Variants in EDNRA observed in about 807,000 individuals in gnomAD.
EDNRA encodes the protein endothelin receptor type A.
Under a neutral mutation model 41.4 loss-of-function variants are expected in EDNRA, and 11 were observed. The observed-to-expected ratio is 0.27, with a 90% CI of 0.17 to 0.44. The LOEUF (loss-of-function observed/expected upper bound fraction) is 0.44, where lower values mean the gene tolerates loss of function less well. EDNRA is among the 20% of genes least tolerant of loss of function. EDNRA has a pLI of 1.00. For missense variants in EDNRA, 294 were observed against 531.0 expected (o/e 0.55, Z 4.39); for synonymous variants, 172 against 183.0 (o/e 0.94, Z 0.49).
chr4:147,537,902 G>A (rs1215004821), intron 5 of EDNRA, among the ~76,000 whole-genome samples: 3 of 134,566 alleles, frequency 2.2e-5, no homozygotes, highest in Non-Finnish European at 4.7e-5. Context: ...AGATGGGACT[G>A]CGGGAGAAAC....
intron 2 of EDNRA, among the ~76,000 whole-genome samples, chr4:147,508,755 C>T (rs1729818700): frequency 6.6e-6 from 1 of 152,174 alleles, no homozygotes. Context: ...ACTCAATTGA[C>T]AATAAATATA....
rs1267824208 is a variant in EDNRA, at chr4:147,532,450, A to G, written c.549-56A>G. On this transcript the variant is annotated intron_variant, in intron 3 of 7. Coordinates refer to ENST00000651419, the MANE Select transcript of EDNRA (RefSeq NM_001957.4). ...TTCCCAGCACTTACAATTTTTGTTT[A>G]ATTGAAATACATTTAAAATTTCCTA... The G allele has an allele frequency of 1.2e-5, 19 of 1,535,176 alleles. No homozygotes were observed. In the East Asian group the frequency reaches 3.4e-4, roughly 27 times the overall value.
At chr4:147,536,925 A>G (rs898000938) in intron 5 of EDNRA, among the ~76,000 whole-genome samples, 2 of 152,206 alleles carry the variant, frequency 1.3e-5, no homozygotes, top group African/African-American at 2.4e-5. Flanking sequence ...GTAATAATAC[A>G]TCATGGGGAT....
rs537198416 is a variant in EDNRA, at chr4:147,488,079, G to A, written c.420+1978G>A. 4.6e-5 allele frequency: 7 copies of A among 152,232 alleles called. No homozygotes were observed. The South Asian group carries it at 1.5e-3, about 32-fold the overall frequency. The allele number at this position is 152,232 out of a possible 1,614,324, so 9.4% of individuals were successfully genotyped here. A position where few individuals can be genotyped will look rare whatever the true frequency, so the allele number is the denominator to read the frequency against. On this transcript the variant is annotated intron_variant, in intron 2 of 7. Coordinates refer to ENST00000651419, the MANE Select transcript of EDNRA (RefSeq NM_001957.4). ...TCAAACATTGATTATTCAAACTTAT[G>A]AACTAGTGAACCAACCCATCATGGC...
At chr4:147,512,043 C>T (rs1320007659) in intron 2 of EDNRA, among the ~76,000 whole-genome samples, 1 of 152,168 alleles carries the variant, frequency 6.6e-6, no homozygotes, top group Non-Finnish European at 1.5e-5. Flanking sequence ...AAAGTATTGA[C>T]ACACACAATC....
At chr4:147,488,123 AT>A (rs1729007876) in intron 2 of EDNRA, 1 of 152,188 alleles carries the variant, frequency 6.6e-6, no homozygotes, top group Admixed American at 6.5e-5. Flanking sequence ...ATAATTATCC[AT>A]CTCTGCATTT....
chr4:147,530,370 G>A (rs1011542584), intron 3 of EDNRA, among the ~76,000 whole-genome samples: 2 of 151,966 alleles, frequency 1.3e-5, no homozygotes, highest in East Asian at 1.9e-4. Context: ...GTTTAACAAG[G>A]GAACAAAGAA....
chr4:147,484,787 C>A (rs1239257223), intron 1 of EDNRA, among the ~76,000 whole-genome samples: 1 of 152,188 alleles, frequency 6.6e-6, no homozygotes, highest in Non-Finnish European at 1.5e-5. Flanking sequence ...AGCAAAAAAA[C>A]TCCTGTAAAA....
chr4:147,502,103 T>C (rs1458483049), intron 2 of EDNRA, among the ~76,000 whole-genome samples: 2 of 152,118 alleles, frequency 1.3e-5, no homozygotes, highest in African/African-American at 4.8e-5. Flanking sequence ...TAAGATTGCC[T>C]ATAAAAAAAT....
chr4:147,526,812 T>C (rs1396295268), intron 3 of EDNRA, among the ~76,000 whole-genome samples: 2 of 152,190 alleles, frequency 1.3e-5, no homozygotes, highest in African/African-American at 4.8e-5. Flanking sequence ...TAGCCTGTCA[T>C]GGTGGTGGGC....
intron 2 of EDNRA, chr4:147,494,220 G>A (rs1408492021): frequency 6.6e-6 from 1 of 152,164 alleles, no homozygotes; most frequent in African/African-American, 2.4e-5. Flanking sequence ...AAGACATTGG[G>A]TAAATAGCAG....
chr4:147,497,192 T>C, intron 2 of EDNRA, among the ~76,000 whole-genome samples: 1 of 147,884 alleles, frequency 6.8e-6, no homozygotes, highest in East Asian at 2.0e-4. Flanking sequence ...AGATGGGGTC[T>C]TGCTTTATTG....
Position 147,537,367 on chromosome 4 carries a change from A to G in EDNRA, c.900+1338A>G, listed in dbSNP as rs151162117. Among the ~76,000 whole-genome samples, 48 of 152,362 alleles carry G rather than the reference A, an allele frequency of 3.2e-4. No individual in the cohort carries two copies. The East Asian group carries it at 3.5e-3, about 11-fold the overall frequency. On this transcript the variant is annotated intron_variant, in intron 5 of 7. Coordinates refer to ENST00000651419, the MANE Select transcript of EDNRA (RefSeq NM_001957.4). ...GAAGATTACATTGAGAAACCTTAGT[A>G]TGACTTTGTTCAGGCATGAAAGTTT...
At chr4:147,529,489 G>T (rs1197673958) in intron 3 of EDNRA, among the ~76,000 whole-genome samples, 1 of 152,164 alleles carries the variant, frequency 6.6e-6, no homozygotes, top group African/African-American at 2.4e-5. Flanking sequence ...AAGAATTTGT[G>T]GAGAAAGCGG....
intron 3 of EDNRA, among the ~76,000 whole-genome samples, chr4:147,529,148 G>A (rs902384209): frequency 6.6e-6 from 1 of 152,206 alleles, no homozygotes; most frequent in African/African-American, 2.4e-5. Context: ...AGGATTGGAT[G>A]TGTGGTGGAA....
chr4:147,538,266 A>G (rs189730745), intron 5 of EDNRA, among the ~76,000 whole-genome samples: 52 of 152,192 alleles, frequency 3.4e-4, no homozygotes, highest in African/African-American at 1.1e-3. Flanking sequence ...ACAGAAAACA[A>G]CCCGTCATGG....
At chr4:147,542,367 C>G in intron 7 of EDNRA, 111 bp from the exon 8 acceptor site, 1 of 1,476,470 alleles carries the variant, frequency 6.8e-7, no homozygotes, top group Non-Finnish European at 9.2e-7. Context: ...GGTTCACTTC[C>G]CTCGAATGCG....
At chr4:147,539,794 AT>A (rs755071471) in intron 5 of EDNRA, 22 bp from the exon 6 acceptor site, 2 of 1,600,786 alleles carry the variant, frequency 1.2e-6, no homozygotes, top group South Asian at 2.3e-5. Flanking sequence ...TTGTTGTCCT[AT>A]TTTTTTCTCA....
intron 7 of EDNRA, among the ~76,000 whole-genome samples, chr4:147,541,381 A>G (rs1167197075): frequency 2.0e-5 from 3 of 152,176 alleles, no homozygotes; most frequent in African/African-American, 4.8e-5. Flanking sequence ...CTTATGGTAC[A>G]TATGAGGCAG....
Sources: gnomAD v4.1 joint callset for allele counts (sites outside exome capture counted in the v4.1 genomes callset) on GRCh38, gnomAD v4.1.1 for gene constraint, MANE v1.5 for transcripts, NCBI Gene and HGNC (gene_info 2026-07-23, HGNC 2026-07-21) for gene names.